Variants in RNF125 observed in about 807,000 individuals in gnomAD.
RNF125 encodes E3 ubiquitin-protein ligase RNF125.
In RNF125, 21 loss-of-function variants were observed where a neutral mutation model predicts 26.0. That is an observed-to-expected ratio of 0.81 (90% CI 0.57 to 1.16). RNF125 has a LOEUF of 1.16. RNF125 is among the 50% of genes most tolerant of loss of function. The pLI is 0.00. For synonymous variants in RNF125, 95 were observed against 109.2 expected (o/e 0.87, Z 0.81); for missense variants, 270 against 299.4 (o/e 0.90, Z 0.72).
Position 32,068,299 on chromosome 18 carries a change from A to C in RNF125, c.614A>C (p.Asp205Ala), listed in dbSNP as rs1304239733. 1.7e-5 allele frequency: 26 copies of C among 1,509,084 alleles called. No homozygotes were observed. The highest frequency in any genetic ancestry group is 2.4e-5 in the Non-Finnish European group (26 of 1,087,034). 93.5% of individuals were successfully genotyped at this position (1,509,084 alleles called of 1,614,324 possible). Residue 205 changes from aspartate to alanine, a missense_variant and splice_region_variant, in exon 6 of 6, where the codon GAT becomes GCT. By Grantham distance (126) the Asp-to-Ala change is moderately radical (BLOSUM62 -2). Transcript: ENST00000217740. ...SHTLFYDDFI[D>A]FNIIEEALIR... ...TCTAATTATTTTTCTTTATTGTAGG[A>C]TTTTAATATAATTGAGGAAGCTCTT...
At chr18:32,043,629 G>A (rs2039240609) in intron 3 of RNF125, among the ~76,000 whole-genome samples, 1 of 152,044 alleles carries the variant, frequency 6.6e-6, no homozygotes. Flanking sequence ...AAAGTGTATG[G>A]GTTTGATTGC....
intron 4 of RNF125, among the ~76,000 whole-genome samples, chr18:32,050,073 T>C (rs1390398076): frequency 6.6e-6 from 1 of 152,170 alleles, no homozygotes; most frequent in Non-Finnish European, 1.5e-5. Context: ...AGTGACATCA[T>C]CTGACTTACC....
chr18:32,073,840 AGATT>A (rs2039552208), downstream of RNF125, among the ~76,000 whole-genome samples: 1 of 152,236 alleles, frequency 6.6e-6, no homozygotes, highest in East Asian at 1.9e-4. Flanking sequence ...TTCATCATTT[AGATT>A]ATCTTTATTG....
intron 1 of RNF125, among the ~76,000 whole-genome samples, chr18:32,029,076 T>G (rs978464556): frequency 2.0e-5 from 3 of 152,222 alleles, no homozygotes; most frequent in South Asian, 2.1e-4. Context: ...CACTGTGCCA[T>G]GAAAAGTTGA....
intron 4 of RNF125, among the ~76,000 whole-genome samples, chr18:32,045,947 T>C (rs1309290848): frequency 6.6e-6 from 1 of 152,136 alleles, no homozygotes; most frequent in Non-Finnish European, 1.5e-5. Context: ...AAATTACACA[T>C]TATCTCTAAC....
chr18:32,070,076 T>G lies in RNF125; in HGVS notation c.*1692T>G, dbSNP rs1421638714. On this transcript the variant is annotated 3_prime_UTR_variant, in exon 6 of 6. Coordinates refer to ENST00000217740, the MANE Select transcript of RNF125 (RefSeq NM_017831.4). ...TTCTCTTTTTTTCAGAGTTGCACTCTGTTGCCCAGGCTGGAGTACAGTGGC... is the reference window on the plus strand; with the variant it reads ...TTCTCTTTTTTTCAGAGTTGCACTCGGTTGCCCAGGCTGGAGTACAGTGGC... 9 of 152,148 alleles carry G rather than the reference T, an allele frequency of 5.9e-5. No individual in the cohort carries two copies. Among genetic ancestry groups the G allele is most frequent in the African/African-American group, 2.2e-4 (9 of 41,406 alleles). 9.4% of individuals were successfully genotyped at this position (152,148 alleles called of 1,614,324 possible).
chr18:32,045,573 GAAAA>G (rs201714997), intron 3 of RNF125, 65 bp from the exon 4 acceptor site: 2 of 916,854 alleles, frequency 2.2e-6, no homozygotes, highest in Admixed American at 5.1e-5. Context: ...AAAAAAAAAA[GAAAA>G]AAAAAGTGAC....
At chr18:32,056,254 G>T (rs192130192) in intron 4 of RNF125, among the ~76,000 whole-genome samples, 35 of 151,878 alleles carry the variant, frequency 2.3e-4, no homozygotes, top group Admixed American at 5.9e-4. Context: ...CTGACTCCTC[G>T]TAAATCTAGA....
At chr18:32,087,633 C>T in the RNF125 span, among the ~76,000 whole-genome samples, 2 of 151,898 alleles carry the variant, frequency 1.3e-5, no homozygotes, top group African/African-American at 4.8e-5. Context: ...TAGAGTTTTC[C>T]CTACACAATT....
the RNF125 span, among the ~76,000 whole-genome samples, chr18:32,085,700 C>CAAAAAAAAAAA: frequency 1.6e-5 from 1 of 62,766 alleles, no homozygotes; most frequent in Non-Finnish European, 2.8e-5. Context: ...AACGACTTAT[C>CAAAAAAAAAAA]AAAAAAAAAA....
intron 4 of RNF125, among the ~76,000 whole-genome samples, chr18:32,062,681 T>C (rs1270984076): frequency 6.6e-6 from 1 of 152,146 alleles, no homozygotes; most frequent in Non-Finnish European, 1.5e-5. Context: ...AGTTGATAAA[T>C]TGGACACTGT....
At chr18:32,047,981 A>G (rs577105767) in intron 4 of RNF125, among the ~76,000 whole-genome samples, 1 of 152,218 alleles carries the variant, frequency 6.6e-6, no homozygotes, top group African/African-American at 2.4e-5. Context: ...TACAAAAATT[A>G]GCAAGGCATG....
At chr18:32,064,559 TCA>T (rs34510070) in intron 4 of RNF125, among the ~76,000 whole-genome samples, 49,197 of 150,200 alleles carry the variant, frequency 0.33, 8,944 homozygotes, top group South Asian at 0.42. Context: ...CCAAACTATA[TCA>T]CACACACACA....
In RNF125 at chr18:32,072,298, AATG is replaced by A. The variant is rs2039540782; in HGVS notation, c.*3917_*3919del. 6.6e-6 allele frequency: 1 copy of A among 152,226 alleles called. No homozygotes were observed. Among genetic ancestry groups the A allele is most frequent in the Non-Finnish European group, 1.5e-5 (1 of 68,038 alleles). 9.4% of individuals were successfully genotyped at this position (152,226 alleles called of 1,614,324 possible). A position where few individuals can be genotyped will look rare whatever the true frequency, so the allele number is the denominator to read the frequency against. The stretch of plus-strand genomic sequence containing the variant: ...TTTTTCAGGAATAATCATAAAAAGA[AATG>A]ATCATCAGACTGAAAGTCCAGAGCC... On this transcript the variant is annotated 3_prime_UTR_variant, in exon 6 of 6. Transcript: ENST00000217740.
chr18:32,037,583 A>G (rs2039171489), intron 2 of RNF125, among the ~76,000 whole-genome samples: 1 of 152,020 alleles, frequency 6.6e-6, no homozygotes, highest in Non-Finnish European at 1.5e-5. Flanking sequence ...TATGTTAGCC[A>G]GGATGGTCTC....
chr18:32,061,386 G>A (rs1259982408), intron 4 of RNF125, among the ~76,000 whole-genome samples: 1 of 152,228 alleles, frequency 6.6e-6, no homozygotes, highest in South Asian at 2.1e-4. Context: ...CTTATTGGTA[G>A]GGACCAAGGT....
chr18:32,051,921 C>G (rs1212675809), intron 4 of RNF125, among the ~76,000 whole-genome samples: 1 of 151,582 alleles, frequency 6.6e-6, no homozygotes, highest in Non-Finnish European at 1.5e-5. Context: ...ATCTCCTGAC[C>G]TTGTGATCTG....
In RNF125 at chr18:32,071,137, T is replaced by C. The variant is rs2039530205; in HGVS notation, c.*2753T>C. 1 of 152,444 alleles carries C rather than the reference T, an allele frequency of 6.6e-6. No individual in the cohort carries two copies. The highest frequency in any genetic ancestry group is 2.4e-5 in the African/African-American group (1 of 41,420). The allele number at this position is 152,444 out of a possible 1,614,324, so 9.4% of individuals were successfully genotyped here. On this transcript the variant is annotated 3_prime_UTR_variant, in exon 6 of 6. Coordinates refer to ENST00000217740, the MANE Select transcript of RNF125 (RefSeq NM_017831.4). ...TATATTTAACACTTGCCCCCAGTTT[T>C]GTTTTGTTTTGTTTTGAGGAGGAAT... is the stretch of plus-strand genomic sequence containing the variant.
downstream of RNF125, among the ~76,000 whole-genome samples, chr18:32,075,179 T>C (rs1299130161): frequency 6.6e-6 from 1 of 152,186 alleles, no homozygotes; most frequent in Non-Finnish European, 1.5e-5. Flanking sequence ...CACCTCCATT[T>C]TTACAATTCT....
Sources: allele counts gnomAD v4.1 joint callset (sites outside exome capture counted in the v4.1 genomes callset), GRCh38; gene constraint gnomAD v4.1.1; transcripts MANE v1.5; gene names NCBI Gene and HGNC (gene_info 2026-07-23, HGNC 2026-07-21).